Variants in KIAA1217 observed in about 807,000 individuals in gnomAD.
KIAA1217 encodes the protein sickle tail protein homolog.
In KIAA1217, 88 loss-of-function variants were observed where a neutral mutation model predicts 163.9. The observed-to-expected ratio is 0.54, with a 90% CI of 0.45 to 0.64. The LOEUF (loss-of-function observed/expected upper bound fraction) is 0.64, where lower values mean the gene tolerates loss of function less well. Among genes scored for constraint, KIAA1217 ranks in the 30% least tolerant of loss-of-function variants. The pLI is 0.00. For missense variants in KIAA1217, 2,372 were observed against 2,475.0 expected, an observed-to-expected ratio of 0.96 and a Z score of 0.88; for synonymous variants, 903 against 923.1, an observed-to-expected ratio of 0.98 and a Z score of 0.39.
chr10:23,750,644 A>G (rs1364389553), intron 1 of KIAA1217, among the ~76,000 whole-genome samples: 1 of 152,096 alleles, frequency 6.6e-6, no homozygotes, highest in African/African-American at 2.4e-5. Flanking sequence ...CACTCAAATC[A>G]CATTCTCTGT....
chr10:24,473,103 A>G (rs970786026), intron 5 of KIAA1217, 125 bp from the exon 6 acceptor site: 6 of 632,724 alleles, frequency 9.5e-6, no homozygotes, highest in Non-Finnish European at 1.6e-5. Flanking sequence ...GTAAGGAAAC[A>G]TATTCACAGA....
At chr10:24,359,840 T>A (rs1007297437) in intron 2 of KIAA1217, among the ~76,000 whole-genome samples, 1 of 152,130 alleles carries the variant, frequency 6.6e-6, no homozygotes, top group Middle Eastern at 3.2e-3. Flanking sequence ...TTATATCAAC[T>A]ATAATTCTTA....
rs144718982 is a variant in KIAA1217, at chr10:24,009,337, C to T, written c.-171+1963C>T. 1.4e-4 allele frequency among the ~76,000 whole-genome samples: 21 copies of T among 151,274 alleles called. No individual in the cohort carries two copies. The East Asian group carries it at 2.1e-3, about 15-fold the overall frequency. On this transcript the variant is annotated intron_variant, in intron 2 of 18. Coordinates refer to the KIAA1217 transcript ENST00000376462. ...TGTAATTTACTTACCCTTGGGTAAG[C>T]GTTAGAGAGAGCCTTTGATAAGCAG... is the stretch of plus-strand genomic sequence containing the variant.
At chr10:24,422,200 A>C (rs934481431) in intron 3 of KIAA1217, among the ~76,000 whole-genome samples, 1 of 152,148 alleles carries the variant, frequency 6.6e-6, no homozygotes, top group African/African-American at 2.4e-5. Context: ...GTTACCTCCC[A>C]CCAGGTCCCT....
chr10:24,205,427 A>T (rs778396170), upstream of KIAA1217, among the ~76,000 whole-genome samples: 1 of 151,758 alleles, frequency 6.6e-6, no homozygotes, highest in Non-Finnish European at 1.5e-5. Flanking sequence ...GTGAGCCGAG[A>T]TCGCGCCATT....
chr10:24,119,873 A>G (rs544344194), intron 2 of KIAA1217, among the ~76,000 whole-genome samples: 1 of 152,292 alleles, frequency 6.6e-6, no homozygotes, highest in South Asian at 2.1e-4. Flanking sequence ...TGTGCTTCCT[A>G]CACATCCCAG....
At chr10:23,763,782 T>C (rs1451414335) in intron 1 of KIAA1217, among the ~76,000 whole-genome samples, 1 of 152,180 alleles carries the variant, frequency 6.6e-6, no homozygotes, top group African/African-American at 2.4e-5. Flanking sequence ...TGCTCTGTAT[T>C]AGTCTGTTTC....
intron 2 of KIAA1217, among the ~76,000 whole-genome samples, chr10:24,249,048 G>A (rs371919511): frequency 1.4e-4 from 21 of 152,320 alleles, no homozygotes; most frequent in African/African-American, 2.2e-4. Context: ...TTAAAACCAC[G>A]AGTGTAGTGG....
At chr10:24,388,760 C>G (rs2054399738) in intron 3 of KIAA1217, among the ~76,000 whole-genome samples, 1 of 152,088 alleles carries the variant, frequency 6.6e-6, no homozygotes, top group South Asian at 2.1e-4. Context: ...TGAACAGACA[C>G]TTCTCAAAAG....
chr10:23,698,494 T>G (rs1003195617), intron 1 of KIAA1217, among the ~76,000 whole-genome samples: 2 of 152,236 alleles, frequency 1.3e-5, no homozygotes, highest in Non-Finnish European at 2.9e-5. Context: ...GAGTGAGTCT[T>G]GAAATTTGGC....
chr10:24,453,171 T>C (rs942625903), intron 5 of KIAA1217, among the ~76,000 whole-genome samples: 10 of 152,216 alleles, frequency 6.6e-5, no homozygotes, highest in African/African-American at 2.4e-4. Context: ...CTCTATGCAG[T>C]GCCATTTCAG....
chr10:24,494,507 A>G lies in KIAA1217; in HGVS notation c.1687A>G (p.Met563Val), dbSNP rs372982645. Reference protein sequence around the residue: ...IPKDRETRERMQAMEKQIASL... With the variant: ...IPKDRETRERVQAMEKQIASL... ...AATTCTCTTGTTTTACAGAGAGAGG[A>G]TGCAAGCCATGGAGAAACAGATTGC... The change falls in exon 7 of 21, where the codon ATG becomes GTG. Residue 563 changes from methionine (M) to valine (V), a missense_variant. Coordinates refer to ENST00000376454, the MANE Select transcript of KIAA1217 (RefSeq NM_019590.5). 2.5e-6 allele frequency: 4 copies of G among 1,612,506 alleles called. No individual in the cohort carries two copies. The highest frequency in any genetic ancestry group is 3.4e-6 in the Non-Finnish European group (4 of 1,178,992).
At chr10:24,360,581 T>C (rs934335446) in intron 2 of KIAA1217, among the ~76,000 whole-genome samples, 1 of 152,136 alleles carries the variant, frequency 6.6e-6, no homozygotes, top group Admixed American at 6.6e-5. Context: ...TTGGGGGCAT[T>C]TGGAGAGGAT....
rs778290849 is a variant in KIAA1217 at position 24,494,587 on chromosome 10, T to A, written c.1767T>A (p.Tyr589Ter). The A allele has an allele frequency of 6.2e-7, 1 of 1,610,994 alleles. No homozygotes were observed. Among genetic ancestry groups the A allele is most frequent in the Non-Finnish European group, 8.5e-7 (1 of 1,177,628 alleles). Residue 589 changes from tyrosine to a stop codon, truncating the protein, a stop_gained, in exon 7 of 21, where the codon TAT becomes TAA. Transcript: ENST00000376454. LOFTEE classifies it high-confidence loss of function. ...SALFKGPITS[Y>*]SKDASSEKMM... ...TTTTTAAAGGGCCCATTACAAGTTATAGCAAAGATGCGTCTAGGTAAAAAA... is the reference window on the plus strand; with the variant it reads ...TTTTTAAAGGGCCCATTACAAGTTAAAGCAAAGATGCGTCTAGGTAAAAAA...
chr10:23,727,569 TA>T (rs956958019), intron 1 of KIAA1217, among the ~76,000 whole-genome samples: 12 of 152,016 alleles, frequency 7.9e-5, no homozygotes, highest in South Asian at 2.1e-4. Context: ...CAAAAAAATT[TA>T]AAAAAAAGTT....
chr10:24,502,712 G>A (rs2067824832), intron 9 of KIAA1217, among the ~76,000 whole-genome samples: 1 of 152,184 alleles, frequency 6.6e-6, no homozygotes, highest in African/African-American at 2.4e-5. Flanking sequence ...AGAAGATAGG[G>A]CCAGGTGTCA....
At chr10:23,918,733 T>TACACAC (rs1554823731) in intron 1 of KIAA1217, among the ~76,000 whole-genome samples, 6,278 of 147,494 alleles carry the variant, frequency 0.043, 432 homozygotes, top group African/African-American at 0.15. Flanking sequence ...ATTAAATATA[T>TACACAC]ACACACACAC....
chr10:24,321,471 T>C (rs2044149381), intron 2 of KIAA1217, among the ~76,000 whole-genome samples: 1 of 152,000 alleles, frequency 6.6e-6, no homozygotes, highest in South Asian at 2.1e-4. Flanking sequence ...AGGCAGAGGT[T>C]GCAGTGAGCC....
intron 2 of KIAA1217, chr10:24,255,634 C>G (rs368119910): frequency 1.9e-5 from 8 of 427,694 alleles, no homozygotes; most frequent in Admixed American, 1.3e-4. Flanking sequence ...TCCCTGCCCC[C>G]CCTGGGGTCC....
Sources: allele counts gnomAD v4.1 joint callset (sites outside exome capture counted in the v4.1 genomes callset), GRCh38; gene constraint gnomAD v4.1.1; transcripts MANE v1.5; gene names NCBI Gene and HGNC (gene_info 2026-07-23, HGNC 2026-07-21).